The following ITGB5 variants were observed in gnomAD, a reference collection of about 807,000 sequenced individuals.
ITGB5 encodes the protein integrin beta-5.
In ITGB5, 38 loss-of-function variants were observed where a neutral mutation model predicts 84.8. The observed-to-expected ratio is 0.45, with a 90% CI of 0.35 to 0.59. ITGB5 has a LOEUF of 0.59. ITGB5 is among the 20% of genes least tolerant of loss of function. The probability of loss-of-function intolerance (pLI) is 0.01; values close to 1 mark genes in which losing one functional copy is unlikely to be tolerated. For synonymous variants in ITGB5, 393 were observed against 414.4 expected, an observed-to-expected ratio of 0.95 and a Z score of 0.63; for missense variants, 905 against 1,034.5, an observed-to-expected ratio of 0.87 and a Z score of 1.72.
intron 8 of ITGB5, among the ~76,000 whole-genome samples, chr3:124,816,541 C>T (rs753016594): frequency 2.0e-5 from 3 of 152,140 alleles, no homozygotes; most frequent in East Asian, 1.9e-4. Flanking sequence ...AATTACCTGG[C>T]GCCTTGAGCA....
chr3:124,838,352 T>C (rs1298319346), intron 5 of ITGB5, among the ~76,000 whole-genome samples: 3 of 152,216 alleles, frequency 2.0e-5, no homozygotes, highest in African/African-American at 7.2e-5. Flanking sequence ...TTTTGTTCCA[T>C]TTCCAATCTT....
At chr3:124,882,296 T>C (rs924921812) in intron 1 of ITGB5, among the ~76,000 whole-genome samples, 1 of 152,128 alleles carries the variant, frequency 6.6e-6, no homozygotes, top group Non-Finnish European at 1.5e-5. Context: ...GTAGTTACAT[T>C]AGATGGTGGT....
At chr3:124,891,970 A>G (rs1428874412), upstream of ITGB5, among the ~76,000 whole-genome samples, 1 of 151,912 alleles carries the variant, frequency 6.6e-6, no homozygotes, top group Non-Finnish European at 1.5e-5. Context: ...AGAGGGAGGG[A>G]GTGAGGAAGA....
At chr3:124,852,366 A>AT (rs2107609111) in intron 3 of ITGB5, among the ~76,000 whole-genome samples, 1 of 152,112 alleles carries the variant, frequency 6.6e-6, no homozygotes, top group African/African-American at 2.4e-5. Flanking sequence ...GACCAGAGAA[A>AT]TGGCAAACTC....
chr3:124,764,950 G>A (rs1380988081), intron 13 of ITGB5, among the ~76,000 whole-genome samples: 3 of 152,226 alleles, frequency 2.0e-5, no homozygotes, highest in Admixed American at 2.0e-4. Context: ...ACTTCCACAA[G>A]GTCTGGGCTG....
chr3:124,790,821 C>T (rs796377168), intron 10 of ITGB5, among the ~76,000 whole-genome samples: 1 of 151,894 alleles, frequency 6.6e-6, no homozygotes. Flanking sequence ...AAAGGTGAGA[C>T]GTATACATGA....
chr3:124,874,141 G>T (rs557900563), intron 1 of ITGB5, among the ~76,000 whole-genome samples: 1 of 151,140 alleles, frequency 6.6e-6, no homozygotes, highest in South Asian at 2.1e-4. Flanking sequence ...GCGAAAGCAG[G>T]AGAATTGCTT....
At chr3:124,791,947 G>C (rs1397359980) in intron 10 of ITGB5, 1 of 152,208 alleles carries the variant, frequency 6.6e-6, no homozygotes, top group Non-Finnish European at 1.5e-5. Flanking sequence ...AGACAAGGAA[G>C]GGCTGGTGCT....
intron 10 of ITGB5, among the ~76,000 whole-genome samples, chr3:124,776,694 A>G (rs529203362): frequency 1.3e-5 from 2 of 152,338 alleles, no homozygotes; most frequent in Non-Finnish European, 2.9e-5. Flanking sequence ...GATCCCCACA[A>G]CACAAACATA....
intron 9 of ITGB5, among the ~76,000 whole-genome samples, chr3:124,800,558 C>T (rs2064300201): frequency 6.6e-6 from 1 of 151,576 alleles, no homozygotes; most frequent in African/African-American, 2.4e-5. Context: ...AGCCTTCGGT[C>T]CAAGTGAGGT....
At chr3:124,766,202 CGAG>C in intron 13 of ITGB5, 21 bp downstream of exon 13, 1 of 1,608,672 alleles carries the variant, frequency 6.2e-7, no homozygotes. Context: ...CTGAGTGGGC[CGAG>C]CCCTTGCAGC....
intron 2 of ITGB5, 27 bp from the exon 3 acceptor site, chr3:124,859,473 C>G: frequency 6.3e-7 from 1 of 1,597,486 alleles, no homozygotes; most frequent in East Asian, 2.2e-5. Context: ...AGGAAGAGAG[C>G]AGGAGGTGGT....
intron 1 of ITGB5, among the ~76,000 whole-genome samples, chr3:124,880,579 A>C (rs1934519820): frequency 6.6e-6 from 1 of 152,126 alleles, no homozygotes; most frequent in Admixed American, 6.6e-5. Context: ...ACGCTAATGC[A>C]CTCCAACTTG....
chr3:124,864,979 C>G (rs1001925152), intron 2 of ITGB5, among the ~76,000 whole-genome samples: 2 of 152,202 alleles, frequency 1.3e-5, no homozygotes, highest in African/African-American at 4.8e-5. Context: ...TGAAGTTCAT[C>G]TGGCCCTGGC....
Position 124,852,539 on chromosome 3 carries a change from G to A in ITGB5, c.362-3981C>T, listed in dbSNP as rs539574102. On this transcript the variant is annotated intron_variant, in intron 3 of 14. Transcript: ENST00000296181. ...AAGTACAGGTTCTTCCACTGTAATC[G>A]GGTATCAACTAGCATTCTATCTGAA... Among the ~76,000 whole-genome samples, 5 of 151,938 alleles carry A rather than the reference G, an allele frequency of 3.3e-5. No individual in the cohort carries two copies. In the East Asian group the frequency reaches 7.7e-4, roughly 23 times the overall value.
chr3:124,818,985 G>GTT (rs1332430997), intron 7 of ITGB5, among the ~76,000 whole-genome samples: 3 of 152,162 alleles, frequency 2.0e-5, no homozygotes, highest in Non-Finnish European at 2.9e-5. Context: ...TCAGAGACGA[G>GTT]TTTACATTTA....
intron 10 of ITGB5, among the ~76,000 whole-genome samples, chr3:124,785,068 A>T (rs1036105696): frequency 6.6e-6 from 1 of 152,202 alleles, no homozygotes. Flanking sequence ...GCTGCTCAGC[A>T]GAAGAGCAGC....
In ITGB5 at chr3:124,873,680, G is replaced by T. The variant is rs563819721; in HGVS notation, c.71-149C>A. ...GTACCATTGCTAATTGCAGGTTAAG[G>T]CTCATTTGCTAAGGCTGAACATTGA... On this transcript the variant is annotated intron_variant, in intron 1 of 14. Transcript: ENST00000296181. 2.5e-5 allele frequency: 18 copies of T among 713,672 alleles called. No individual in the cohort carries two copies. The South Asian group carries it at 2.9e-4, about 11-fold the overall frequency. The allele number at this position is 713,672 out of a possible 1,614,324, so 44.2% of individuals were successfully genotyped here.
intron 1 of ITGB5, among the ~76,000 whole-genome samples, chr3:124,884,238 ATGT>A (rs1412105528): frequency 1.3e-4 from 20 of 151,930 alleles, no homozygotes; most frequent in African/African-American, 4.8e-4. Flanking sequence ...AAAAAAAAGA[ATGT>A]TGAAGTTAAT....
Sources: allele counts gnomAD v4.1 joint callset (sites outside exome capture counted in the v4.1 genomes callset), GRCh38; gene constraint gnomAD v4.1.1; transcripts MANE v1.5; gene names NCBI Gene and HGNC (gene_info 2026-07-23, HGNC 2026-07-21).